The following STIM2 variants were observed in gnomAD, a reference collection of about 807,000 sequenced individuals.
STIM2 encodes the protein stromal interaction molecule 2.
STIM2 carries 31 observed loss-of-function variants against 85.8 expected under a neutral mutation model. The ratio of observed to expected loss-of-function variants is 0.36; its 90% CI spans 0.27 to 0.49. STIM2 has a LOEUF of 0.49. Ranked by LOEUF, STIM2 falls within the 20% of genes least tolerant of loss-of-function variation. The pLI, the probability that STIM2 is intolerant of heterozygous loss-of-function variation, is 0.98. For missense variants in STIM2, 841 were observed against 927.6 expected, an observed-to-expected ratio of 0.91 and a Z score of 1.21; for synonymous variants, 356 against 331.1, an observed-to-expected ratio of 1.08 and a Z score of -0.82.
chr4:26,893,864 T>G (rs898350342), intron 1 of STIM2, among the ~76,000 whole-genome samples: 44 of 152,122 alleles, frequency 2.9e-4, no homozygotes, highest in African/African-American at 8.9e-4. Flanking sequence ...GTTCATTTTT[T>G]TATTGAGTTG....
chr4:26,971,013 A>T (rs1426999723), intron 3 of STIM2, among the ~76,000 whole-genome samples: 4 of 152,062 alleles, frequency 2.6e-5, no homozygotes, highest in African/African-American at 9.7e-5. Context: ...ACATTTTTTC[A>T]TGTGTCTGTT....
intron 3 of STIM2, among the ~76,000 whole-genome samples, chr4:26,983,224 A>G (rs1727464656): frequency 6.6e-6 from 1 of 152,238 alleles, no homozygotes; most frequent in Non-Finnish European, 1.5e-5. Flanking sequence ...GAGTTTGATG[A>G]CTGAAGCACT....
At chr4:26,998,491 TATG>T (rs901067689) in intron 4 of STIM2, among the ~76,000 whole-genome samples, 1 of 152,190 alleles carries the variant, frequency 6.6e-6, no homozygotes, top group Non-Finnish European at 1.5e-5. Context: ...AGAAAATCAA[TATG>T]ATCTAAATTG....
intron 2 of STIM2, among the ~76,000 whole-genome samples, chr4:26,939,307 T>C (rs949019963): frequency 3.3e-5 from 5 of 152,090 alleles, no homozygotes; most frequent in African/African-American, 1.2e-4. Context: ...GGATTCACCT[T>C]GCCTCTTTCC....
intron 3 of STIM2, among the ~76,000 whole-genome samples, chr4:26,971,070 G>A (rs1726930303): frequency 1.3e-5 from 2 of 152,124 alleles, no homozygotes; most frequent in South Asian, 4.1e-4. Context: ...CATATCCTTT[G>A]CCCACTTTTT....
chr4:26,994,134 C>T (rs1560233325), intron 3 of STIM2, among the ~76,000 whole-genome samples: 1 of 152,064 alleles, frequency 6.6e-6, no homozygotes, highest in Non-Finnish European at 1.5e-5. Flanking sequence ...CCCACCAATA[C>T]CTCTGTTCCT....
chr4:27,008,135 C>T (rs2109136632), intron 8 of STIM2: 1 of 602,656 alleles, frequency 1.7e-6, no homozygotes, highest in Non-Finnish European at 3.0e-6. Flanking sequence ...TATAATATAG[C>T]TAATGTTCTT....
chr4:26,916,491 A>G (rs925659999), intron 1 of STIM2, among the ~76,000 whole-genome samples: 1 of 152,160 alleles, frequency 6.6e-6, no homozygotes, highest in South Asian at 2.1e-4. Context: ...GTGAATTGCC[A>G]TCATCCCATT....
intron 1 of STIM2, among the ~76,000 whole-genome samples, chr4:26,905,583 A>G (rs1376220388): frequency 6.6e-6 from 1 of 152,194 alleles, no homozygotes; most frequent in Non-Finnish European, 1.5e-5. Flanking sequence ...GTTGCTGTCA[A>G]CTGATGTGCT....
intron 1 of STIM2, among the ~76,000 whole-genome samples, chr4:26,863,343 G>A (rs1722288763): frequency 6.6e-6 from 1 of 151,984 alleles, no homozygotes; most frequent in South Asian, 2.1e-4. Flanking sequence ...CAAGTTAAAC[G>A]TTTCCACTTA....
In STIM2 at chr4:27,008,546, A is replaced by T; in HGVS notation, c.1250+18A>T. On this transcript the variant is annotated intron_variant, in intron 9 of 11. Coordinates refer to ENST00000467087, the MANE Select transcript of STIM2 (RefSeq NM_020860.4). The stretch of plus-strand genomic sequence containing the variant: ...GAAGCAAAGTAAGAATGTTGTTTTC[A>T]CTTTTATTTGATTTATGTTTATTGT... 6.5e-7 allele frequency: 1 copy of T among 1,530,364 alleles called. No individual in the cohort carries two copies. The highest frequency in any genetic ancestry group is 8.9e-7 in the Non-Finnish European group (1 of 1,124,264). The allele number at this position is 1,530,364 out of a possible 1,614,324, so 94.8% of individuals were successfully genotyped here. A position where few individuals can be genotyped will look rare whatever the true frequency, so the allele number is the denominator to read the frequency against.
Position 26,888,286 on chromosome 4 carries a change from A to G in STIM2, c.151+26917A>G, listed in dbSNP as rs574601688. ...TAACAAAGTCATACTTCTGCCTAAC[A>G]TAATATGAATATCCTTCAAACAACT... On this transcript the variant is annotated intron_variant, in intron 1 of 11. Transcript: ENST00000467087. Among the ~76,000 whole-genome samples the G allele has an allele frequency of 1.3e-4, 20 of 152,360 alleles. No individual in the cohort carries two copies. The South Asian group carries it at 4.1e-3, about 32-fold the overall frequency.
At chr4:26,934,672 G>A (rs562087876) in intron 2 of STIM2, among the ~76,000 whole-genome samples, 2 of 152,248 alleles carry the variant, frequency 1.3e-5, no homozygotes, top group African/African-American at 4.8e-5. Flanking sequence ...CCAGCACTTC[G>A]GGAGGCCGAG....
intron 3 of STIM2, among the ~76,000 whole-genome samples, chr4:26,972,067 T>C (rs1726975607): frequency 6.6e-6 from 1 of 152,230 alleles, no homozygotes; most frequent in Non-Finnish European, 1.5e-5. Context: ...ATAAGAATGC[T>C]TGTGATTTTT....
chr4:26,899,672 C>T (rs1392952618), intron 1 of STIM2, among the ~76,000 whole-genome samples: 1 of 152,030 alleles, frequency 6.6e-6, no homozygotes, highest in East Asian at 1.9e-4. Context: ...AATACTTTTT[C>T]CTGAGTAGTT....
chr4:26,920,118 T>G (rs1417682244), intron 2 of STIM2, among the ~76,000 whole-genome samples: 4 of 152,172 alleles, frequency 2.6e-5, no homozygotes, highest in Non-Finnish European at 1.5e-5. Context: ...TTCTGCATAA[T>G]GTCTTTCTAT....
intron 11 of STIM2, chr4:27,021,005 C>A: frequency 6.5e-7 from 1 of 1,536,708 alleles, no homozygotes; most frequent in Non-Finnish European, 8.7e-7. Flanking sequence ...GAACAGTATT[C>A]ACCTTGGGCT....
At chr4:26,958,805 C>G (rs566370284) in intron 3 of STIM2, among the ~76,000 whole-genome samples, 1 of 152,064 alleles carries the variant, frequency 6.6e-6, no homozygotes, top group Admixed American at 6.6e-5. Flanking sequence ...GGGAACTCAG[C>G]AACAAACTTA....
intron 3 of STIM2, among the ~76,000 whole-genome samples, chr4:26,982,927 C>T (rs868359342): frequency 6.6e-6 from 1 of 152,142 alleles, no homozygotes; most frequent in Non-Finnish European, 1.5e-5. Flanking sequence ...AATATGTTTA[C>T]GTAGTTGCTC....
Sources: gnomAD v4.1 joint callset for allele counts (sites outside exome capture counted in the v4.1 genomes callset) on GRCh38, gnomAD v4.1.1 for gene constraint, MANE v1.5 for transcripts, NCBI Gene and HGNC (gene_info 2026-07-23, HGNC 2026-07-21) for gene names.